Variants in PPP6C observed in about 807,000 individuals in gnomAD.
PPP6C encodes the protein serine/threonine-protein phosphatase 6 catalytic subunit.
Under a neutral mutation model 39.8 loss-of-function variants are expected in PPP6C, and 11 were observed. The observed-to-expected ratio is 0.28, with a 90% confidence interval of 0.17 to 0.46. The LOEUF (loss-of-function observed/expected upper bound fraction) is 0.46. PPP6C is among the 20% of genes least tolerant of loss of function. The pLI is 1.00. For missense variants in PPP6C, 211 were observed against 373.9 expected, an observed-to-expected ratio of 0.56 and a Z score of 3.59; for synonymous variants, 129 against 130.3, an observed-to-expected ratio of 0.99 and a Z score of 0.07.
intron 2 of PPP6C, among the ~76,000 whole-genome samples, chr9:125,162,065 T>A (rs1424604507): frequency 6.6e-6 from 1 of 151,166 alleles, no homozygotes; most frequent in East Asian, 1.9e-4. Context: ...TTTATAACAA[T>A]GTTCCATAAG....
At chr9:125,178,742 A>G (rs1046327035) in intron 1 of PPP6C, among the ~76,000 whole-genome samples, 6 of 152,180 alleles carry the variant, frequency 3.9e-5, no homozygotes, top group Non-Finnish European at 7.3e-5. Flanking sequence ...CCCACGTATC[A>G]CCAAGCTTCA....
At chr9:125,188,877 A>C (rs1829595331) in intron 1 of PPP6C, 1 of 1,480,214 alleles carries the variant, frequency 6.8e-7, no homozygotes, top group South Asian at 1.3e-5. Flanking sequence ...ACCCATACAT[A>C]CATTTACTCT....
intron 6 of PPP6C, 144 bp from the exon 7 acceptor site, chr9:125,150,065 A>AT: frequency 8.5e-7 from 1 of 1,178,520 alleles, no homozygotes; most frequent in East Asian, 2.6e-5. Flanking sequence ...CAACAATTTA[A>AT]TAAGTTTAGG....
intron 1 of PPP6C, among the ~76,000 whole-genome samples, chr9:125,181,923 T>G (rs901762554): frequency 1.3e-5 from 2 of 152,342 alleles, no homozygotes; most frequent in African/African-American, 4.8e-5. Flanking sequence ...CCACCAACAG[T>G]GTAAAAGTGT....
chr9:125,189,518 G>C (rs1225994840), intron 1 of PPP6C, 126 bp downstream of exon 1: 2 of 1,492,438 alleles, frequency 1.3e-6, no homozygotes, highest in Non-Finnish European at 1.8e-6. Context: ...GGACCGGGTC[G>C]ACTGGCAATG....
chr9:125,184,533 G>C (rs1329332466), intron 1 of PPP6C, among the ~76,000 whole-genome samples: 1 of 151,390 alleles, frequency 6.6e-6, no homozygotes, highest in Non-Finnish European at 1.5e-5. Context: ...CTCCACCCTG[G>C]GCAGCAGACT....
rs1829347924 is a variant in PPP6C, at chr9:125,178,352, T to C, written c.76-7172A>G. Among the ~76,000 whole-genome samples, 5 of 152,196 alleles carry C rather than the reference T, an allele frequency of 3.3e-5. No homozygotes were observed. The South Asian group carries it at 8.3e-4, about 25-fold the overall frequency. ...TCTGGATTTTGGCCATTCTAATAGG[T>C]ATATAGTGGTTATCTCATGGTTGTT... On this transcript the variant is annotated intron_variant, in intron 1 of 6. Transcript: ENST00000373547.
At chr9:125,181,529 C>T (rs1829421494) in intron 1 of PPP6C, among the ~76,000 whole-genome samples, 1 of 152,100 alleles carries the variant, frequency 6.6e-6, no homozygotes, top group Non-Finnish European at 1.5e-5. Context: ...GTTCCCCTCC[C>T]CTCTGCCCAT....
intron 1 of PPP6C, among the ~76,000 whole-genome samples, chr9:125,178,485 A>G (rs955244663): frequency 6.6e-6 from 1 of 152,076 alleles, no homozygotes; most frequent in African/African-American, 2.4e-5. Context: ...TTTTTTTGGC[A>G]TATCTGTATT....
chr9:125,150,708 G>C, intron 6 of PPP6C: 3 of 853,362 alleles, frequency 3.5e-6, no homozygotes, highest in Admixed American at 3.7e-5. Flanking sequence ...GAAAACTGCC[G>C]ATCGCCTGGG....
chr9:125,158,199 A>G lies in PPP6C; in HGVS notation c.379+42T>C, dbSNP rs375934929. ...GTGTAGCTTTGTTTTCCAAAGAGGA[A>G]AGTAAAATAATATTCAGAATCAGAG... On this transcript the variant is annotated intron_variant, in intron 4 of 6. Transcript: ENST00000373547. 94 of 1,544,218 alleles carry G rather than the reference A, an allele frequency of 6.1e-5. No individual in the cohort carries two copies. The African/African-American group carries it at 9.5e-4, about 16-fold the overall frequency.
intron 4 of PPP6C, among the ~76,000 whole-genome samples, chr9:125,156,669 TA>T (rs141436684): frequency 0.015 from 2,300 of 152,206 alleles, 108 homozygotes; most frequent in Admixed American, 0.083. Context: ...ATATCTGTCT[TA>T]ATTGTGCTCA....
At chr9:125,154,296 C>G (rs887041123) in intron 4 of PPP6C, among the ~76,000 whole-genome samples, 1 of 152,168 alleles carries the variant, frequency 6.6e-6, no homozygotes, top group Non-Finnish European at 1.5e-5. Context: ...TACTACACAC[C>G]TAGGCAATAT....
At position 125,152,132 on chromosome 9, in the gene PPP6C, G is replaced by T. The variant is rs536658832; in HGVS notation, c.669+1401C>A. On this transcript the variant is annotated intron_variant, in intron 6 of 6. Transcript: ENST00000373547. ...GGTAGGGGGTGGGGGGTGGTTGAGGGGGGAGGCAGCACAGCGCAGCAAATG... is the reference window on the plus strand; with the variant it reads ...GGTAGGGGGTGGGGGGTGGTTGAGGTGGGAGGCAGCACAGCGCAGCAAATG... Among the ~76,000 whole-genome samples the T allele has an allele frequency of 3.3e-5, 5 of 152,228 alleles. No individual in the cohort carries two copies. The East Asian group carries it at 7.7e-4, about 23-fold the overall frequency.
chr9:125,161,406 C>T (rs1181652648), intron 2 of PPP6C, among the ~76,000 whole-genome samples: 4 of 152,066 alleles, frequency 2.6e-5, no homozygotes, highest in Non-Finnish European at 5.9e-5. Flanking sequence ...AGTGTCTCCT[C>T]AATGATCAGT....
At chr9:125,151,065 A>C in intron 6 of PPP6C, 2 of 1,340,976 alleles carry the variant, frequency 1.5e-6, no homozygotes, top group Non-Finnish European at 2.1e-6. Context: ...TTGATAACCC[A>C]GTGGACTATC....
intron 1 of PPP6C, among the ~76,000 whole-genome samples, chr9:125,185,885 T>C (rs1829519232): frequency 6.6e-6 from 1 of 151,870 alleles, no homozygotes; most frequent in Non-Finnish European, 1.5e-5. Flanking sequence ...TCAGGAAGGC[T>C]GAGGCAGGAG....
At chr9:125,172,491 A>G (rs1024509743) in intron 1 of PPP6C, among the ~76,000 whole-genome samples, 1 of 152,124 alleles carries the variant, frequency 6.6e-6, no homozygotes, top group African/African-American at 2.4e-5. Flanking sequence ...ACAGGCATTG[A>G]GCCACTGCAC....
chr9:125,188,793 C>CAATAATAATAATAAT (rs57163595), intron 1 of PPP6C: 5,209 of 255,236 alleles, frequency 0.02, 144 homozygotes, highest in East Asian at 0.14. Flanking sequence ...CAGTTAAAAA[C>CAATAATAATAATAAT]AATAATAATA....
Sources: allele counts gnomAD v4.1 joint callset (sites outside exome capture counted in the v4.1 genomes callset), GRCh38; gene constraint gnomAD v4.1.1; transcripts MANE v1.5; gene names NCBI Gene and HGNC (gene_info 2026-07-23, HGNC 2026-07-21).